MARCHF1: variants seen among roughly 807,000 people sequenced by gnomAD.
MARCHF1 encodes membrane associated ring-CH-type finger 1.
In MARCHF1, 40 loss-of-function variants were observed where a neutral mutation model predicts 54.2. The observed-to-expected ratio is 0.74, with a 90% CI of 0.57 to 0.96. The LOEUF is 0.96. MARCHF1 is among the 40% of genes least tolerant of loss of function. The pLI is 0.00. For synonymous variants in MARCHF1, 236 were observed against 236.3 expected (o/e 1.00, Z 0.01); for missense variants, 586 against 656.5 (o/e 0.89, Z 1.17).
At chr4:164,270,418 T>C (rs2111305984) in intron 1 of MARCHF1, among the ~76,000 whole-genome samples, 1 of 152,314 alleles carries the variant, frequency 6.6e-6, no homozygotes. Flanking sequence ...ACTGTAAATA[T>C]ACATGTTCAC....
chr4:164,380,498 T>G (rs1731336096), intron 1 of MARCHF1, among the ~76,000 whole-genome samples: 1 of 152,208 alleles, frequency 6.6e-6, no homozygotes. Context: ...GTAGAACACA[T>G]ATTTCCTACC....
intron 4 of MARCHF1, among the ~76,000 whole-genome samples, chr4:163,814,755 A>G (rs1290304398): frequency 6.6e-6 from 1 of 152,184 alleles, no homozygotes; most frequent in Non-Finnish European, 1.5e-5. Flanking sequence ...TGGACAAATC[A>G]TTTATTTTCT....
At chr4:164,123,651 C>T (rs952496522) in intron 1 of MARCHF1, among the ~76,000 whole-genome samples, 1 of 151,980 alleles carries the variant, frequency 6.6e-6, no homozygotes, top group South Asian at 2.1e-4. Context: ...ATCTACACAC[C>T]ACAGTGAACT....
At chr4:163,594,937 T>C (rs1234424381) in intron 7 of MARCHF1, among the ~76,000 whole-genome samples, 1 of 152,134 alleles carries the variant, frequency 6.6e-6, no homozygotes, top group African/African-American at 2.4e-5. Context: ...GAGCGAGCAA[T>C]CCCACGTCTA....
intron 8 of MARCHF1, among the ~76,000 whole-genome samples, chr4:163,580,181 C>G (rs1307691982): frequency 6.6e-6 from 1 of 151,972 alleles, no homozygotes; most frequent in Non-Finnish European, 1.5e-5. Context: ...CAGGTTCAAC[C>G]AATTTTCCTG....
At chr4:163,881,111 T>C (rs1200853697) in intron 3 of MARCHF1, among the ~76,000 whole-genome samples, 1 of 152,226 alleles carries the variant, frequency 6.6e-6, no homozygotes, top group Non-Finnish European at 1.5e-5. Flanking sequence ...CATCCATTCA[T>C]GATCTCATCA....
At chr4:164,135,325 T>A (rs969049757) in intron 1 of MARCHF1, 3 of 152,202 alleles carry the variant, frequency 2.0e-5, no homozygotes, top group African/African-American at 2.4e-5. Flanking sequence ...TCTGCTTAAA[T>A]TTTTAAAGCC....
chr4:163,911,000 C>G lies in MARCHF1; in HGVS notation c.-38-56831G>C, dbSNP rs577812253. On this transcript the variant is annotated intron_variant, in intron 3 of 9. Coordinates refer to ENST00000514618, the MANE Select transcript of MARCHF1 (RefSeq NM_001394959.1). ...GCAGGCCCATGAAAGGTAGTTGATTCAGCATTACTGTGGGGGAAAATGTCA... is the reference window on the plus strand; with the variant it reads ...GCAGGCCCATGAAAGGTAGTTGATTGAGCATTACTGTGGGGGAAAATGTCA... 5.3e-5 allele frequency among the ~76,000 whole-genome samples: 8 copies of G among 152,222 alleles called. No individual in the cohort carries two copies. The South Asian group carries it at 8.3e-4, about 16-fold the overall frequency.
intron 4 of MARCHF1, among the ~76,000 whole-genome samples, chr4:163,793,854 A>G (rs1019461591): frequency 1.3e-5 from 2 of 151,964 alleles, no homozygotes; most frequent in African/African-American, 4.8e-5. Context: ...ACCCCCTTAG[A>G]GCTGTGAGCC....
At chr4:164,117,386 C>A (rs1221467666) in intron 1 of MARCHF1, among the ~76,000 whole-genome samples, 3 of 151,988 alleles carry the variant, frequency 2.0e-5, no homozygotes, top group Non-Finnish European at 4.4e-5. Context: ...AATGGAAATA[C>A]AAGTTACCTA....
intron 9 of MARCHF1, among the ~76,000 whole-genome samples, chr4:163,545,173 A>G (rs1205701496): frequency 3.9e-5 from 6 of 152,240 alleles, no homozygotes; most frequent in Admixed American, 1.3e-4. Flanking sequence ...CTAAAGAGCT[A>G]TAACACATTC....
intron 2 of MARCHF1, among the ~76,000 whole-genome samples, chr4:164,105,416 G>T (rs886250155): frequency 9.3e-5 from 14 of 150,612 alleles, no homozygotes; most frequent in Non-Finnish European, 1.6e-4. Context: ...CCAAAACAGA[G>T]ATATAGATCA....
chr4:163,661,193 C>T (rs1160843226), intron 5 of MARCHF1, among the ~76,000 whole-genome samples: 1 of 151,978 alleles, frequency 6.6e-6, no homozygotes, highest in Non-Finnish European at 1.5e-5. Context: ...AAGTCACCTG[C>T]TATGCTAACT....
intron 1 of MARCHF1, among the ~76,000 whole-genome samples, chr4:164,251,878 ATAAT>A (rs1371268164): frequency 2.0e-5 from 3 of 152,198 alleles, no homozygotes; most frequent in East Asian, 1.9e-4. Flanking sequence ...AGTGCAAAAA[ATAAT>A]TAAGTAATTG....
chr4:163,723,536 C>T lies in MARCHF1; in HGVS notation c.112-22673G>A, dbSNP rs927972722. On this transcript the variant is annotated intron_variant, in intron 4 of 9. Coordinates refer to ENST00000514618, the MANE Select transcript of MARCHF1 (RefSeq NM_001394959.1). ...CTCTTCTCGAGGAGTATCTTTGTGG[C>T]GTTCTCTGTATTTCCTGAATTTGAA... Among the ~76,000 whole-genome samples the T allele has an allele frequency of 1.6e-4, 24 of 152,146 alleles. No homozygotes were observed. The East Asian group carries it at 3.7e-3, about 23-fold the overall frequency.
chr4:164,312,319 C>CTTTTTTTTTTT (rs34613860), intron 1 of MARCHF1, among the ~76,000 whole-genome samples: 9 of 103,442 alleles, frequency 8.7e-5, no homozygotes, highest in African/African-American at 1.5e-4. Flanking sequence ...TTTTCTTTTT[C>CTTTTTTTTTTT]TTTTTTTTTT....
In MARCHF1 at chr4:163,661,577, C is replaced by T. The variant is rs113426646; in HGVS notation, c.162+39236G>A. Among the ~76,000 whole-genome samples, 95 of 151,984 alleles carry T rather than the reference C, an allele frequency of 6.3e-4. 1 individual carries two copies. The highest frequency in any genetic ancestry group is 2.0e-3 in the African/African-American group (85 of 41,492). ...GATGTCAGTATCAGAGAACGGGATG[C>T]AAAATTTTGATACTTTAAAAAGTTT... On this transcript the variant is annotated intron_variant, in intron 5 of 9. Coordinates refer to ENST00000514618, the MANE Select transcript of MARCHF1 (RefSeq NM_001394959.1).
chr4:164,038,719 T>C (rs1754064190), intron 2 of MARCHF1, among the ~76,000 whole-genome samples: 1 of 152,178 alleles, frequency 6.6e-6, no homozygotes, highest in Non-Finnish European at 1.5e-5. Flanking sequence ...ATGTCTGTCT[T>C]GTATCCACTT....
At chr4:164,075,074 T>C (rs1754949622) in intron 2 of MARCHF1, among the ~76,000 whole-genome samples, 1 of 152,138 alleles carries the variant, frequency 6.6e-6, no homozygotes, top group Non-Finnish European at 1.5e-5. Context: ...TAACTTTCTT[T>C]AAAACATGAA....
Sources: gnomAD v4.1 joint callset for allele counts (sites outside exome capture counted in the v4.1 genomes callset) on GRCh38, gnomAD v4.1.1 for gene constraint, MANE v1.5 for transcripts, NCBI Gene and HGNC (gene_info 2026-07-23, HGNC 2026-07-21) for gene names.